The following HS3ST1 variants were observed in gnomAD, a reference collection of about 807,000 sequenced individuals.
HS3ST1 encodes the protein heparan sulfate-glucosamine 3-sulfotransferase 1.
HS3ST1 carries 8 observed loss-of-function variants against 20.7 expected under a neutral mutation model. The observed-to-expected ratio is 0.39, with a 90% CI of 0.23 to 0.70. The LOEUF is 0.70. HS3ST1 is among the 30% of genes least tolerant of loss of function. The pLI is 0.46. For missense variants in HS3ST1, 436 were observed against 423.4 expected, an observed-to-expected ratio of 1.03 and a Z score of -0.26; for synonymous variants, 205 against 190.4, an observed-to-expected ratio of 1.08 and a Z score of -0.63.
rs142523649 is a variant in HS3ST1, at chr4:11,409,931, A to G, written c.-108-9818T>C. 7.9e-5 allele frequency among the ~76,000 whole-genome samples: 12 copies of G among 152,364 alleles called. No homozygotes were observed. The East Asian group carries it at 2.1e-3, about 27-fold the overall frequency. On this transcript the variant is annotated intron_variant, in intron 1 of 1. Transcript: ENST00000002596. ...CAGATATTGTCAGAGACCAGGGACCAGAGTGGTCTGATCTTCACATTTCTC... is the reference window on the plus strand; with the variant it reads ...CAGATATTGTCAGAGACCAGGGACCGGAGTGGTCTGATCTTCACATTTCTC...
chr4:11,432,259 C>A (rs924757759), upstream of HS3ST1, among the ~76,000 whole-genome samples: 1 of 152,174 alleles, frequency 6.6e-6, no homozygotes, highest in East Asian at 1.9e-4. Context: ...TTATTTGTAA[C>A]CCCCAGTCTA....
chr4:11,409,081 G>A (rs902112979), intron 1 of HS3ST1, among the ~76,000 whole-genome samples: 3 of 152,184 alleles, frequency 2.0e-5, no homozygotes, highest in Non-Finnish European at 4.4e-5. Flanking sequence ...GGTAAGCAGA[G>A]AACAAGAACC....
chr4:11,426,698 A>T (rs35790387), intron 1 of HS3ST1, among the ~76,000 whole-genome samples: 12,715 of 152,310 alleles, frequency 0.083, 714 homozygotes, highest in Non-Finnish European at 0.12. Context: ...AACTGCTTCC[A>T]CTTAAGAGTG....
intron 1 of HS3ST1, among the ~76,000 whole-genome samples, chr4:11,426,902 C>A (rs1276124475): frequency 6.6e-6 from 1 of 152,196 alleles, no homozygotes; most frequent in African/African-American, 2.4e-5. Context: ...GCTGGATGTA[C>A]AACGGGAAGG....
intron 1 of HS3ST1, among the ~76,000 whole-genome samples, chr4:11,400,805 T>C (rs1165879226): frequency 1.3e-5 from 2 of 152,222 alleles, no homozygotes; most frequent in Non-Finnish European, 2.9e-5. Flanking sequence ...GCTACTAGCA[T>C]ATGAGCAGAT....
chr4:11,430,654 T>G (rs1416265664), upstream of HS3ST1, among the ~76,000 whole-genome samples: 1 of 152,158 alleles, frequency 6.6e-6, no homozygotes, highest in Non-Finnish European at 1.5e-5. Flanking sequence ...GGGTTAGCAA[T>G]GATTCTGTTT....
At chr4:11,409,333 G>A (rs1718555620) in intron 1 of HS3ST1, among the ~76,000 whole-genome samples, 1 of 152,192 alleles carries the variant, frequency 6.6e-6, no homozygotes, top group Non-Finnish European at 1.5e-5. Flanking sequence ...TGGACTGAAT[G>A]TTTTTGTCCT....
chr4:11,402,466 C>T (rs1718350460), intron 1 of HS3ST1, among the ~76,000 whole-genome samples: 1 of 152,172 alleles, frequency 6.6e-6, no homozygotes, highest in African/African-American at 2.4e-5. Context: ...TCTCAAGTCA[C>T]CTATGTGGTT....
Position 11,410,527 on chromosome 4 carries a change from G to A in HS3ST1, c.-108-10414C>T, listed in dbSNP as rs191362706. ...GCTGTGGGGAGCACAGGCCATGGCA[G>A]GTGCTGGTGTGGATGAGGCTACAGG... is the stretch of plus-strand genomic sequence containing the variant. On this transcript the variant is annotated intron_variant, in intron 1 of 1. Coordinates refer to ENST00000002596, the MANE Select transcript of HS3ST1 (RefSeq NM_005114.4). Among the ~76,000 whole-genome samples, 3 of 152,356 alleles carry A rather than the reference G, an allele frequency of 2.0e-5. No homozygotes were observed. The East Asian group carries it at 5.8e-4, about 29-fold the overall frequency.
At chr4:11,413,330 C>A (rs993436397) in intron 1 of HS3ST1, among the ~76,000 whole-genome samples, 2 of 151,946 alleles carry the variant, frequency 1.3e-5, no homozygotes, top group African/African-American at 4.8e-5. Context: ...AGGCAGTTTG[C>A]TCTAAGACTT....
At chr4:11,408,639 A>C (rs1281591692) in intron 1 of HS3ST1, among the ~76,000 whole-genome samples, 2 of 152,246 alleles carry the variant, frequency 1.3e-5, no homozygotes, top group African/African-American at 4.8e-5. Context: ...ATTGCTGTGC[A>C]CAGAAGGCAG....
At chr4:11,420,379 C>G (rs1718901163) in intron 1 of HS3ST1, among the ~76,000 whole-genome samples, 1 of 152,182 alleles carries the variant, frequency 6.6e-6, no homozygotes, top group South Asian at 2.1e-4. Flanking sequence ...CTGTGTTCAT[C>G]TATTTGGGGG....
At chr4:11,417,921 T>TA (rs1718827688) in intron 1 of HS3ST1, among the ~76,000 whole-genome samples, 1 of 152,244 alleles carries the variant, frequency 6.6e-6, no homozygotes, top group Non-Finnish European at 1.5e-5. Context: ...AATTCAGAGT[T>TA]ACCATATTCG....
At chr4:11,428,102 A>G (rs1049132087) in intron 1 of HS3ST1, among the ~76,000 whole-genome samples, 12 of 152,262 alleles carry the variant, frequency 7.9e-5, no homozygotes, top group Non-Finnish European at 1.8e-4. Flanking sequence ...TAACAAGAAA[A>G]AAATCAAGAC....
At chr4:11,427,378 G>A (rs1368654905) in intron 1 of HS3ST1, among the ~76,000 whole-genome samples, 1 of 152,134 alleles carries the variant, frequency 6.6e-6, no homozygotes, top group African/African-American at 2.4e-5. Context: ...AGGGCTGAGG[G>A]AGGAGAAGAG....
At position 11,393,834 on chromosome 4, in the gene HS3ST1, G is replaced by A. The variant is rs779338027; in HGVS notation, c.*5248C>T. 6.6e-6 allele frequency: 1 copy of A among 152,218 alleles called. No homozygotes were observed. Among genetic ancestry groups the A allele is most frequent in the South Asian group, 2.1e-4 (1 of 4,824 alleles). 9.4% of individuals were successfully genotyped at this position (152,218 alleles called of 1,614,324 possible). ...CCTAGGAAAGCAGGGGAGTGGGGTG[G>A]ACAACATTTCTCAGGCATCTTCAGG... On this transcript the variant is annotated 3_prime_UTR_variant, in exon 2 of 2. Coordinates refer to ENST00000002596, the MANE Select transcript of HS3ST1 (RefSeq NM_005114.4).
At position 11,399,940 on chromosome 4, in the gene HS3ST1, G is replaced by A. The variant is rs758492510; in HGVS notation, c.66C>T (p.Pro22=). 2 of 1,574,174 alleles carry A rather than the reference G, an allele frequency of 1.3e-6. No individual in the cohort carries two copies. Among genetic ancestry groups the A allele is most frequent in the South Asian group, 1.1e-5 (1 of 87,510 alleles). The change falls in exon 2 of 2, where the codon CCC becomes CCT. Residue 22 remains proline, a synonymous_variant. Transcript: ENST00000002596. The surrounding 1 kb of genome is among the most constrained non-coding windows in gnomAD (Gnocchi z 5.1). ...GAAGCTCCTGCTGGCCTAGCTCGGC[G>A]GGGCGGGAAGGCACTAGCTGGGGCT... The part of the protein sequence containing the change: ...VAQPQLVPSR[P]AELGQQELLR...
Position 11,395,945 on chromosome 4 carries a change from A to G in HS3ST1, c.*3137T>C, listed in dbSNP as rs1718129665. ...CTCCAAGACCCTCTGTACTTTTATTAAAGTCCAGAACAAACAGTTAATGAC... is the reference window on the plus strand; with the variant it reads ...CTCCAAGACCCTCTGTACTTTTATTGAAGTCCAGAACAAACAGTTAATGAC... On this transcript the variant is annotated 3_prime_UTR_variant, in exon 2 of 2. Transcript: ENST00000002596. 6.6e-6 allele frequency: 1 copy of G among 152,196 alleles called. No individual in the cohort carries two copies. The highest frequency in any genetic ancestry group is 2.4e-5 in the African/African-American group (1 of 41,434). The allele number at this position is 152,196 out of a possible 1,614,324, so 9.4% of individuals were successfully genotyped here. A position where few individuals can be genotyped will look rare whatever the true frequency, so the allele number is the denominator to read the frequency against.
chr4:11,430,430 G>A (rs951453837), upstream of HS3ST1, among the ~76,000 whole-genome samples: 1 of 152,180 alleles, frequency 6.6e-6, no homozygotes, highest in African/African-American at 2.4e-5. Flanking sequence ...TCATGTGTGA[G>A]GTTGTGAGGG....
Sources: allele counts gnomAD v4.1 joint callset (sites outside exome capture counted in the v4.1 genomes callset), GRCh38; gene constraint gnomAD v4.1.1; non-coding constraint Gnocchi (gnomAD v3.1); transcripts MANE v1.5; gene names NCBI Gene and HGNC (gene_info 2026-07-23, HGNC 2026-07-21).